ALPK3: variants seen among roughly 807,000 people sequenced by gnomAD.
ALPK3 encodes the protein alpha kinase 3.
Under a neutral mutation model 140.0 loss-of-function variants are expected in ALPK3, and 102 were observed. The observed-to-expected ratio is 0.73, with a 90% CI of 0.62 to 0.86. ALPK3 has a LOEUF of 0.86. ALPK3 is among the 40% of genes least tolerant of loss of function. The pLI, the probability that ALPK3 is intolerant of heterozygous loss-of-function variation, is 0.00. For missense variants in ALPK3, 2,254 were observed against 2,208.2 expected, an observed-to-expected ratio of 1.02 and a Z score of -0.42; for synonymous variants, 938 against 898.5, an observed-to-expected ratio of 1.04 and a Z score of -0.79.
Position 84,839,921 on chromosome 15 carries a change from C to G in ALPK3, c.642C>G (p.Arg214=). The change falls in exon 5 of 14, where the codon CGC becomes CGG. Residue 214 remains arginine, a synonymous_variant. Transcript: ENST00000258888. ...KAVPGEVDTL[R]KLSPDRFQRK... The stretch of plus-strand genomic sequence containing the variant: ...TGCCTGGGGAGGTCGACACTCTGCG[C>G]AAGCTCAGCCCCGACCGCTTCCAGC... 1 of 1,613,948 alleles carries G rather than the reference C, an allele frequency of 6.2e-7. No homozygotes were observed. The highest frequency in any genetic ancestry group is 8.5e-7 in the Non-Finnish European group (1 of 1,179,982).
chr15:84,829,753 A>C (rs2141550296), intron 3 of ALPK3, among the ~76,000 whole-genome samples: 1 of 152,312 alleles, frequency 6.6e-6, no homozygotes, highest in South Asian at 2.1e-4. Context: ...ACAATGAGCA[A>C]AGGGTGAGTT....
chr15:84,847,219 GAGA>G (rs1963742191), intron 5 of ALPK3, among the ~76,000 whole-genome samples: 1 of 93,214 alleles, frequency 1.1e-5, no homozygotes, highest in African/African-American at 3.1e-5. Context: ...GAGAGAGAGA[GAGA>G]GAGAGAGAGA....
At position 84,871,352 on chromosome 15, in the gene ALPK3, C is replaced by T. The variant is rs1300492186; in HGVS notation, c.*2896C>T. ...CCATCTCTACTCCTGCCCTCTTTTA[C>T]GTAGCAGCAATCATATTTTCCCTTG... On this transcript the variant is annotated 3_prime_UTR_variant, in exon 14 of 14. Coordinates refer to ENST00000258888, the MANE Select transcript of ALPK3 (RefSeq NM_020778.5). 6.6e-6 allele frequency: 1 copy of T among 152,226 alleles called. No individual in the cohort carries two copies. The highest frequency in any genetic ancestry group is 1.5e-5 in the Non-Finnish European group (1 of 68,056). The allele number at this position is 152,226 out of a possible 1,614,324, so 9.4% of individuals were successfully genotyped here.
intron 5 of ALPK3, among the ~76,000 whole-genome samples, chr15:84,849,684 A>G (rs887975446): frequency 3.9e-5 from 6 of 152,228 alleles, no homozygotes; most frequent in Non-Finnish European, 8.8e-5. Flanking sequence ...CCTAAGGCCA[A>G]TTAGAAAACA....
Position 84,839,971 on chromosome 15 carries a change from A to G in ALPK3, c.692A>G (p.Gln231Arg), listed in dbSNP as rs964593614. The G allele has an allele frequency of 6.2e-7, 1 of 1,612,974 alleles. No individual in the cohort carries two copies. Among genetic ancestry groups the G allele is most frequent in the South Asian group, 1.1e-5 (1 of 91,030 alleles). Residue 231 changes from glutamine to arginine, a missense_variant, in exon 5 of 14, where the codon CAA becomes CGA. Gln to Arg is a conservative substitution (Grantham distance 43, BLOSUM62 1). Around this residue, in one of 3 missense-constraint regions of ALPK3, gnomAD observed 2,088 missense variants for 2,022.9 expected, o/e 1.03. Transcript: ENST00000258888. ...FQRKRRLSGA[Q>R]APGPSVPTRE... is the part of the protein sequence containing the mutation. ...CGAAAGCGGCGATTGAGCGGGGCTC[A>G]AGCGCCGGGCCCCTCGGTCCCTACC... is the stretch of plus-strand genomic sequence containing the variant.
chr15:84,831,546 T>C lies in ALPK3; in HGVS notation c.304+3941T>C, dbSNP rs553036333. 9.2e-5 allele frequency among the ~76,000 whole-genome samples: 14 copies of C among 152,362 alleles called. 1 individual carries two copies. In the South Asian group the frequency reaches 2.9e-3, roughly 32 times the overall value. On this transcript the variant is annotated intron_variant, in intron 3 of 13. Transcript: ENST00000258888. Reference sequence around the variant, plus strand: ...TTTCTGTAGCATCCTGCACTTTTCATGAATGTAGTATCTTTTCTTAGCTCT... The same window carrying C: ...TTTCTGTAGCATCCTGCACTTTTCACGAATGTAGTATCTTTTCTTAGCTCT...
chr15:84,840,857 G>T lies in ALPK3; in HGVS notation c.1578G>T (p.Thr526=). ...APPQASVQVP[T]PPARRRHGTR... Reference sequence around the variant, plus strand: ...CTCAGGCCTCTGTGCAGGTGCCGACGCCCCCTGCCCGGCGGAGACATGGCA... The same window carrying T: ...CTCAGGCCTCTGTGCAGGTGCCGACTCCCCCTGCCCGGCGGAGACATGGCA... The change falls in exon 5 of 14, where the codon ACG becomes ACT. Residue 526 remains threonine, a synonymous_variant. Coordinates refer to ENST00000258888, the MANE Select transcript of ALPK3 (RefSeq NM_020778.5). 9 of 1,613,976 alleles carry T rather than the reference G, an allele frequency of 5.6e-6. No homozygotes were observed. Among genetic ancestry groups the T allele is most frequent in the Non-Finnish European group, 7.6e-6 (9 of 1,179,960 alleles).
chr15:84,833,091 T>G (rs1258993613), intron 3 of ALPK3, among the ~76,000 whole-genome samples: 2 of 152,190 alleles, frequency 1.3e-5, no homozygotes, highest in East Asian at 3.8e-4. Context: ...TGCTCAGACA[T>G]TTATTTTATG....
rs1438726483 is a variant in ALPK3 at position 84,870,940 on chromosome 15, T to G, written c.*2484T>G. 1.3e-5 allele frequency: 2 copies of G among 152,326 alleles called. No homozygotes were observed. Among genetic ancestry groups the G allele is most frequent in the Non-Finnish European group, 2.9e-5 (2 of 68,046 alleles). The allele number at this position is 152,326 out of a possible 1,614,324, so 9.4% of individuals were successfully genotyped here. ...TAACCAAAACCACATTTCTCTCTGC[T>G]TAGGGAATTCAAGATCATATCTAAC... On this transcript the variant is annotated 3_prime_UTR_variant, in exon 14 of 14. Coordinates refer to ENST00000258888, the MANE Select transcript of ALPK3 (RefSeq NM_020778.5).
intron 3 of ALPK3, among the ~76,000 whole-genome samples, chr15:84,837,687 T>C (rs1258101300): frequency 1.3e-5 from 2 of 152,208 alleles, no homozygotes; most frequent in African/African-American, 4.8e-5. Context: ...CAGAGGGGCT[T>C]CTTATGGAAT....
At chr15:84,845,540 A>G (rs756173748) in intron 5 of ALPK3, among the ~76,000 whole-genome samples, 9 of 152,236 alleles carry the variant, frequency 5.9e-5, no homozygotes, top group Non-Finnish European at 1.2e-4. Flanking sequence ...GCTTGGGAAA[A>G]TGACCTCTGA....
chr15:84,856,862 G>T lies in ALPK3; in HGVS notation c.2124G>T (p.Lys708Asn). ...MQGEKGMQGE[K>N]GTQSEGSAPT... ...GAGAGAAGGGGATGCAGGGAGAGAA[G>T]GGGACGCAGTCAGAGGGGAGCGCGC... Residue 708 changes from lysine to asparagine, a missense_variant, in exon 6 of 14, where the codon AAG becomes AAT. Coordinates refer to ENST00000258888, the MANE Select transcript of ALPK3 (RefSeq NM_020778.5). 1 of 1,614,080 alleles carries T rather than the reference G, an allele frequency of 6.2e-7. No homozygotes were observed. The highest frequency in any genetic ancestry group is 8.5e-7 in the Non-Finnish European group (1 of 1,180,010).
chr15:84,820,446 C>T lies in ALPK3; in HGVS notation c.143+2851C>T, dbSNP rs181322927. ...GCTTTCGTGGTCAGTTCTAGTTTTC[C>T]GTAGCCTACTTCACTCTTTTATGTA... On this transcript the variant is annotated intron_variant, in intron 1 of 13. Coordinates refer to ENST00000258888, the MANE Select transcript of ALPK3 (RefSeq NM_020778.5). Among the ~76,000 whole-genome samples the T allele has an allele frequency of 5.3e-5, 8 of 152,200 alleles. No individual in the cohort carries two copies. The East Asian group carries it at 7.7e-4, about 15-fold the overall frequency.
chr15:84,871,598 T>C lies in ALPK3; in HGVS notation c.*3142T>C, dbSNP rs1964071359. On this transcript the variant is annotated 3_prime_UTR_variant, in exon 14 of 14. Transcript: ENST00000258888. ...AGCAATAGCAGGGCCATGTCCACAC[T>C]GCGTCCTATCCCTGAAGGAGAAACA... 1 of 152,254 alleles carries C rather than the reference T, an allele frequency of 6.6e-6. No individual in the cohort carries two copies. Among genetic ancestry groups the C allele is most frequent in the Admixed American group, 6.5e-5 (1 of 15,280 alleles). 9.4% of individuals were successfully genotyped at this position (152,254 alleles called of 1,614,324 possible).
At chr15:84,819,571 C>G (rs1198699626) in intron 1 of ALPK3, among the ~76,000 whole-genome samples, 1 of 152,228 alleles carries the variant, frequency 6.6e-6, no homozygotes, top group Non-Finnish European at 1.5e-5. Flanking sequence ...AGCCACCGTA[C>G]TGTCTGCTGT....
At chr15:84,823,647 C>T (rs1963453702) in intron 2 of ALPK3, among the ~76,000 whole-genome samples, 1 of 152,102 alleles carries the variant, frequency 6.6e-6, no homozygotes, top group African/African-American at 2.4e-5. Context: ...TCTCTGTGTC[C>T]CTAGGAGACA....
rs888406142 is a variant in ALPK3, at chr15:84,873,361, A to G, written c.*4905A>G. The G allele has an allele frequency of 6.6e-6, 1 of 152,164 alleles. No homozygotes were observed. The allele number at this position is 152,164 out of a possible 1,614,324, so 9.4% of individuals were successfully genotyped here. On this transcript the variant is annotated 3_prime_UTR_variant, in exon 14 of 14. Coordinates refer to ENST00000258888, the MANE Select transcript of ALPK3 (RefSeq NM_020778.5). ...TAGCATGGGCCAACATTTGGTCCAG[A>G]TTTGTATTAGCCAAGCCCTCCTAAA...
rs1325269845 is a variant in ALPK3, at chr15:84,858,325, C to G, written c.3587C>G (p.Pro1196Arg). The G allele has an allele frequency of 6.4e-7, 1 of 1,560,772 alleles. No homozygotes were observed. The highest frequency in any genetic ancestry group is 8.7e-7 in the Non-Finnish European group (1 of 1,152,800). ...AGCCCCACGGTTTCCCCCCGGGGGC[C>G]CAGGAAAAGCCTGGTGCCTGGGTCC... ...RESPTVSPRG[P>R]RKSLVPGSPG... The change falls in exon 6 of 14, where the codon CCC becomes CGC. Residue 1196 changes from proline to arginine, a missense_variant. Physicochemically the swap from Pro to Arg is moderately radical, Grantham distance 103. Around this residue, in one of 3 missense-constraint regions of ALPK3, gnomAD observed 2,088 missense variants for 2,022.9 expected, o/e 1.03. Transcript: ENST00000258888.
intron 8 of ALPK3, 63 bp from the exon 9 acceptor site, chr15:84,859,974 A>G: frequency 6.2e-7 from 1 of 1,613,780 alleles, no homozygotes; most frequent in South Asian, 1.1e-5. Flanking sequence ...GTCATCTTTG[A>G]GAGAAGGCAC....
Sources: gnomAD v4.1 joint callset for allele counts (sites outside exome capture counted in the v4.1 genomes callset) on GRCh38, gnomAD v4.1.1 for gene constraint, gnomAD v4.1.1 regional missense constraint, MANE v1.5 for transcripts, NCBI Gene and HGNC (gene_info 2026-07-23, HGNC 2026-07-21) for gene names.